The following CNGB1 variants were observed in gnomAD, a reference collection of about 807,000 sequenced individuals.
CNGB1 encodes cyclic nucleotide gated channel subunit beta 1.
In CNGB1, 126 loss-of-function variants were observed where a neutral mutation model predicts 151.7. That is an observed-to-expected ratio of 0.83 (90% CI 0.72 to 0.96). The LOEUF (loss-of-function observed/expected upper bound fraction) is 0.96. CNGB1 is among the 40% of genes least tolerant of loss of function. The probability of loss-of-function intolerance (pLI) is 0.00; values close to 1 mark genes in which losing one functional copy is unlikely to be tolerated. For missense variants in CNGB1, 1,698 were observed against 1,627.0 expected, an observed-to-expected ratio of 1.04 and a Z score of -0.75; for synonymous variants, 623 against 635.1, an observed-to-expected ratio of 0.98 and a Z score of 0.29.
chr16:57,959,149 T>C (rs377218030), intron 10 of CNGB1, among the ~76,000 whole-genome samples: 4 of 152,246 alleles, frequency 2.6e-5, no homozygotes, highest in East Asian at 1.9e-4. Context: ...CAATGATGCA[T>C]GCACGGGTTA....
At chr16:57,895,539 T>C (rs1960199800) in intron 31 of CNGB1, among the ~76,000 whole-genome samples, 1 of 147,820 alleles carries the variant, frequency 6.8e-6, no homozygotes, top group Non-Finnish European at 1.5e-5. Context: ...TAATATATTA[T>C]ATATGTATTT....
chr16:57,966,405 T>G (rs1209146123), intron 2 of CNGB1, among the ~76,000 whole-genome samples: 1 of 152,214 alleles, frequency 6.6e-6, no homozygotes, highest in Non-Finnish European at 1.5e-5. Flanking sequence ...GCTGCTGAAT[T>G]AGTTGTCATC....
chr16:57,954,626 A>G (rs1274854682), intron 12 of CNGB1: 20 of 959,094 alleles, frequency 2.1e-5, no homozygotes, highest in Non-Finnish European at 2.5e-5. Flanking sequence ...TAAAACCTAA[A>G]CCCTTCTTTT....
At chr16:57,959,171 A>G (rs1962173009) in intron 10 of CNGB1, among the ~76,000 whole-genome samples, 1 of 152,134 alleles carries the variant, frequency 6.6e-6, no homozygotes, top group South Asian at 2.1e-4. Context: ...TGACTGTGGC[A>G]AAAGAGTGAA....
chr16:57,898,759 C>G (rs1381163672), intron 29 of CNGB1, among the ~76,000 whole-genome samples: 3 of 152,224 alleles, frequency 2.0e-5, no homozygotes, highest in African/African-American at 7.2e-5. Flanking sequence ...CAACAACCCT[C>G]AGAGTCGAGA....
intron 16 of CNGB1, among the ~76,000 whole-genome samples, chr16:57,934,427 C>T (rs1371426124): frequency 6.6e-6 from 1 of 151,934 alleles, no homozygotes; most frequent in African/African-American, 2.4e-5. Flanking sequence ...AGAGCGAGAC[C>T]CTGTCTCACA....
intron 17 of CNGB1, among the ~76,000 whole-genome samples, chr16:57,928,184 C>T (rs1961245371): frequency 6.6e-6 from 1 of 152,238 alleles, no homozygotes; most frequent in Non-Finnish European, 1.5e-5. Flanking sequence ...CTCCCAGGCA[C>T]CTGGCTTGAG....
In CNGB1 at chr16:57,883,961, G is replaced by C; in HGVS notation, c.*203C>G. ...ACTCGAACACTTGATGCAACTTGTC[G>C]AGCTCAGGCCCAGCCCCGCGAGGAG... On this transcript the variant is annotated 3_prime_UTR_variant, in exon 33 of 33. Transcript: ENST00000251102. 1 of 648,734 alleles carries C rather than the reference G, an allele frequency of 1.5e-6. No homozygotes were observed. The highest frequency in any genetic ancestry group is 1.9e-5 in the South Asian group (1 of 53,042). The allele number at this position is 648,734 out of a possible 1,614,324, so 40.2% of individuals were successfully genotyped here. A position where few individuals can be genotyped will look rare whatever the true frequency, so the allele number is the denominator to read the frequency against.
chr16:57,893,640 A>G (rs1443079379), intron 31 of CNGB1, among the ~76,000 whole-genome samples: 1 of 152,154 alleles, frequency 6.6e-6, no homozygotes, highest in Non-Finnish European at 1.5e-5. Flanking sequence ...TCTACTTAAA[A>G]TACAAAAATT....
intron 25 of CNGB1, among the ~76,000 whole-genome samples, chr16:57,909,221 T>A (rs1469958931): frequency 3.3e-5 from 5 of 152,082 alleles, no homozygotes; most frequent in Non-Finnish European, 5.9e-5. Context: ...TGAGCTGAGA[T>A]CATGCTGCTG....
intron 15 of CNGB1, 151 bp downstream of exon 15, chr16:57,940,083 G>A (rs533127290): frequency 2.3e-5 from 18 of 777,840 alleles, no homozygotes; most frequent in Admixed American, 8.1e-5. Flanking sequence ...TGCCAAGAGG[G>A]GGCCTCGCAG....
intron 10 of CNGB1, among the ~76,000 whole-genome samples, chr16:57,959,045 A>C (rs1962169277): frequency 6.6e-6 from 1 of 150,664 alleles, no homozygotes; most frequent in Non-Finnish European, 1.5e-5. Flanking sequence ...GAGCCACTGC[A>C]CCCAGCCTGT....
chr16:57,890,614 T>G (rs1408824801), intron 31 of CNGB1, among the ~76,000 whole-genome samples: 1 of 152,258 alleles, frequency 6.6e-6, no homozygotes, highest in Admixed American at 6.5e-5. Context: ...GCAATCAGCC[T>G]GGAGCAAGTG....
intron 16 of CNGB1, among the ~76,000 whole-genome samples, chr16:57,933,183 C>A (rs1159973871): frequency 6.6e-6 from 1 of 152,184 alleles, no homozygotes; most frequent in Non-Finnish European, 1.5e-5. Context: ...CTACCTTGGC[C>A]TCCCAAAGTG....
At chr16:57,937,206 T>G (rs1961535734) in intron 16 of CNGB1, 1 of 152,638 alleles carries the variant, frequency 6.6e-6, no homozygotes, top group South Asian at 2.1e-4. Context: ...CTGGGCACAT[T>G]AGGGAGATGC....
chr16:57,938,564 G>A (rs1306254606), intron 16 of CNGB1, among the ~76,000 whole-genome samples: 5 of 152,200 alleles, frequency 3.3e-5, no homozygotes, highest in African/African-American at 9.7e-5. Context: ...TCATGGTTCA[G>A]ACAGGTCACA....
intron 14 of CNGB1, among the ~76,000 whole-genome samples, chr16:57,946,800 G>C (rs116990110): frequency 6.6e-6 from 1 of 152,146 alleles, no homozygotes; most frequent in African/African-American, 2.4e-5. Flanking sequence ...TCTGGCCCTG[G>C]CCCTGTGATC....
At position 57,931,789 on chromosome 16, in the gene CNGB1, T is replaced by C; in HGVS notation, c.1462A>G (p.Thr488Ala). Residue 488 changes from threonine (T) to alanine (A), a missense_variant, in exon 17 of 33, where the codon ACC becomes GCC. By Grantham distance (58) the Thr-to-Ala change is moderately conservative (BLOSUM62 0). Coordinates refer to ENST00000251102, the MANE Select transcript of CNGB1 (RefSeq NM_001297.5). ...PLMAEENPPS[T>A]VLPPPSPAKS... is the part of the protein sequence containing the mutation. ...GCAGGAGACGGTGGCGGCAACACGG[T>C]TGAGGGTGGATTCTCTTCTGCCATG... is the stretch of plus-strand genomic sequence containing the variant. The C allele has an allele frequency of 6.2e-7, 1 of 1,614,100 alleles. No homozygotes were observed. The highest frequency in any genetic ancestry group is 1.3e-5 in the African/African-American group (1 of 75,014).
At chr16:57,949,249 C>A in intron 14 of CNGB1, 104 bp downstream of exon 14, 1 of 1,591,290 alleles carries the variant, frequency 6.3e-7, no homozygotes, top group Non-Finnish European at 8.5e-7. Flanking sequence ...CAGCACAGAA[C>A]AACAGAAAGG....
Sources: allele counts gnomAD v4.1 joint callset (sites outside exome capture counted in the v4.1 genomes callset), GRCh38; gene constraint gnomAD v4.1.1; transcripts MANE v1.5; gene names NCBI Gene and HGNC (gene_info 2026-07-23, HGNC 2026-07-21).